Variants in ENOX2 observed in about 807,000 individuals in gnomAD.
ENOX2 encodes APK1 antigen.
Under a neutral mutation model 45.0 loss-of-function variants are expected in ENOX2, and 36 were observed. That is an observed-to-expected ratio of 0.80 (90% CI 0.61 to 1.06). The LOEUF is 1.06. Among genes scored for constraint, ENOX2 ranks in the 50% least tolerant of loss-of-function variants. The probability of loss-of-function intolerance (pLI) is 0.00; values close to 1 mark genes in which losing one functional copy is unlikely to be tolerated. For synonymous variants in ENOX2, 174 were observed against 152.3 expected (o/e 1.14, Z -1.05); for missense variants, 423 against 462.5 (o/e 0.91, Z 0.78).
At chrX:130,818,527 C>T in intron 2 of ENOX2, among the ~76,000 whole-genome samples, 1 of 111,918 alleles carries the variant, frequency 8.9e-6, no homozygotes, top group East Asian at 2.8e-4. Context: ...ACCAAAACAG[C>T]ATGGTACTGG....
chrX:130,820,389 GAA>G (rs2077574546), intron 2 of ENOX2, among the ~76,000 whole-genome samples: 1 of 112,058 alleles, frequency 8.9e-6, no homozygotes, highest in African/African-American at 3.2e-5. Context: ...AGCCATTATG[GAA>G]AAGAGTATGG....
Position 130,622,529 on chromosome X carries a change from G to A in ENOX2, c.*2785C>T, listed in dbSNP as rs2035454484. On this transcript the variant is annotated 3_prime_UTR_variant, in exon 15 of 15. Transcript: ENST00000394363. ...TTAGAGATGTCACAGGACTAGGGAAGGAGATAAAAAAATCATTTGTAAAAC... is the reference window on the plus strand; with the variant it reads ...TTAGAGATGTCACAGGACTAGGGAAAGAGATAAAAAAATCATTTGTAAAAC... Among the ~76,000 whole-genome samples the A allele has an allele frequency of 1.8e-5, 2 of 111,493 alleles. No homozygotes were observed. Among genetic ancestry groups the A allele is most frequent in the African/African-American group, 3.3e-5 (1 of 30,663 alleles).
chrX:130,645,462 A>T (rs772520317), intron 10 of ENOX2, among the ~76,000 whole-genome samples: 13 of 112,873 alleles, frequency 1.2e-4, no homozygotes, highest in Non-Finnish European at 2.4e-4. Context: ...CAGGCTTATG[A>T]CTATGGTTTA....
chrX:130,730,768 G>C (rs2038719793), intron 3 of ENOX2, among the ~76,000 whole-genome samples: 1 of 109,970 alleles, frequency 9.1e-6, no homozygotes, highest in Non-Finnish European at 1.9e-5. Context: ...GGTGGGATGG[G>C]GGGAATGGGG....
In ENOX2 at chrX:130,670,091, G is replaced by A. The variant is rs762779115; in HGVS notation, c.568C>T (p.Arg190Cys). Residue 190 changes from arginine (R) to cysteine (C), a missense_variant, in exon 7 of 15, where the codon CGT (arginine) becomes TGT (cysteine). Around this residue, in one of 5 missense-constraint regions of ENOX2, gnomAD observed 261 missense variants for 306.8 expected, o/e 0.85. Transcript: ENST00000394363. ...TGGCGCTCCTCTCTGGCTAGCATAC[G>A]CTGTTTACACTCCCACTCATACAGG... ...DDLYEWECKQRMLAREERHRR... is the reference protein window; with the variant it reads ...DDLYEWECKQCMLAREERHRR... The A allele has an allele frequency of 2.5e-6, 3 of 1,207,498 alleles. No individual in the cohort carries two copies. The highest frequency in any genetic ancestry group is 3.4e-6 in the Non-Finnish European group (3 of 893,294).
At chrX:130,846,637 G>A (rs911985242) in intron 2 of ENOX2, among the ~76,000 whole-genome samples, 1 of 112,337 alleles carries the variant, frequency 8.9e-6, no homozygotes, top group Non-Finnish European at 1.9e-5. Context: ...GCGCCCAGCC[G>A]GCAATCTTTT....
At chrX:130,890,064 C>T (rs1185659778) in intron 2 of ENOX2, among the ~76,000 whole-genome samples, 1 of 112,516 alleles carries the variant, frequency 8.9e-6, no homozygotes, top group Non-Finnish European at 1.9e-5. Flanking sequence ...TGCAACTAAA[C>T]TCCTTCACAA....
Position 130,754,179 on chromosome X carries a change from T to C in ENOX2, c.-39+29368A>G, listed in dbSNP as rs192490059. 3.8e-4 allele frequency among the ~76,000 whole-genome samples: 43 copies of C among 111,823 alleles called. 1 individual carries two copies. The Admixed American group carries it at 3.9e-3, about 10-fold the overall frequency. ...TGCATCCTATAAATATGTACAATTA[T>C]TATGTGTCAACTAAAAATAAAAGGA... On this transcript the variant is annotated intron_variant, in intron 3 of 14. Coordinates refer to ENST00000394363, the MANE Select transcript of ENOX2 (RefSeq NM_006375.4).
intron 2 of ENOX2, among the ~76,000 whole-genome samples, chrX:130,849,624 G>C (rs1405775488): frequency 8.9e-6 from 1 of 112,020 alleles, no homozygotes; most frequent in African/African-American, 3.2e-5. Context: ...GCTGGTCATG[G>C]AACAGTTGTG....
At chrX:130,866,830 T>A (rs1156311210) in intron 2 of ENOX2, among the ~76,000 whole-genome samples, 1 of 110,853 alleles carries the variant, frequency 9.0e-6, no homozygotes, top group Non-Finnish European at 1.9e-5. Context: ...TACTTAACAG[T>A]AAGACAAGTT....
chrX:130,765,998 A>C (rs745391428), intron 3 of ENOX2, among the ~76,000 whole-genome samples: 1 of 111,464 alleles, frequency 9.0e-6, no homozygotes, highest in East Asian at 2.8e-4. Context: ...TCTCTAAAAG[A>C]TAGTATATAT....
chrX:130,700,438 G>A (rs938982270), intron 4 of ENOX2, among the ~76,000 whole-genome samples: 2 of 111,862 alleles, frequency 1.8e-5, no homozygotes, highest in African/African-American at 3.2e-5. Flanking sequence ...CTTTACAGTC[G>A]TTAAGAAAAC....
chrX:130,866,713 T>C (rs2078497353), intron 2 of ENOX2, among the ~76,000 whole-genome samples: 1 of 111,768 alleles, frequency 8.9e-6, no homozygotes, highest in South Asian at 3.7e-4. Flanking sequence ...TTTAGAAACT[T>C]GGTTATCATC....
intron 3 of ENOX2, among the ~76,000 whole-genome samples, chrX:130,723,639 C>A (rs955076009): frequency 8.9e-6 from 1 of 111,895 alleles, no homozygotes; most frequent in Non-Finnish European, 1.9e-5. Context: ...GGGTTTGTAG[C>A]ATTAAATATT....
At chrX:130,894,488 T>C (rs1280285206) in intron 2 of ENOX2, among the ~76,000 whole-genome samples, 1 of 109,709 alleles carries the variant, frequency 9.1e-6, no homozygotes, top group Non-Finnish European at 1.9e-5. Context: ...AAGCATCATA[T>C]TAAAATTTTA....
intron 2 of ENOX2, among the ~76,000 whole-genome samples, chrX:130,896,865 G>A (rs1486062420): frequency 8.9e-6 from 1 of 111,819 alleles, no homozygotes; most frequent in Admixed American, 9.4e-5. Flanking sequence ...CCACTGATAC[G>A]TTATTGTAGA....
At chrX:130,819,712 T>G (rs890364644) in intron 2 of ENOX2, among the ~76,000 whole-genome samples, 1 of 110,785 alleles carries the variant, frequency 9.0e-6, no homozygotes, top group Non-Finnish European at 1.9e-5. Context: ...CATCACACAC[T>G]GGGGCCTGTC....
chrX:130,759,866 G>C (rs1230768299), intron 3 of ENOX2, among the ~76,000 whole-genome samples: 1 of 110,564 alleles, frequency 9.0e-6, no homozygotes, highest in East Asian at 2.8e-4. Flanking sequence ...TTTTGATAGA[G>C]ATTGCATTGA....
intron 2 of ENOX2, among the ~76,000 whole-genome samples, chrX:130,896,685 T>C (rs775869019): frequency 1.3e-4 from 15 of 112,218 alleles, no homozygotes; most frequent in Non-Finnish European, 2.1e-4. Context: ...AGGAAAACTA[T>C]AGATTTTTTT....
Sources: gnomAD v4.1 joint callset for allele counts (sites outside exome capture counted in the v4.1 genomes callset) on GRCh38, gnomAD v4.1.1 for gene constraint, gnomAD v4.1.1 regional missense constraint, MANE v1.5 for transcripts, NCBI Gene and HGNC (gene_info 2026-07-23, HGNC 2026-07-21) for gene names.